Variants in PCDHGA3 observed in about 807,000 individuals in gnomAD.
PCDHGA3 encodes the protein protocadherin gamma-A3.
In PCDHGA3, 40 loss-of-function variants were observed where a neutral mutation model predicts 58.5. The observed-to-expected ratio is 0.68, with a 90% confidence interval of 0.53 to 0.89. The LOEUF (loss-of-function observed/expected upper bound fraction) is 0.89, where lower values mean the gene tolerates loss of function less well. PCDHGA3 is among the 40% of genes least tolerant of loss of function. The probability of loss-of-function intolerance (pLI) is 0.00; values close to 1 mark genes in which losing one functional copy is unlikely to be tolerated. For missense variants in PCDHGA3, 1,223 were observed against 1,195.9 expected, an observed-to-expected ratio of 1.02 and a Z score of -0.33; for synonymous variants, 530 against 525.7, an observed-to-expected ratio of 1.01 and a Z score of -0.11.
chr5:141,418,620 A>T lies in PCDHGA3; in HGVS notation c.2424+72163A>T, dbSNP rs762197476. 180 of 1,613,904 alleles carry T rather than the reference A, an allele frequency of 1.1e-4. No homozygotes were observed. The highest frequency in any genetic ancestry group is 1.5e-4 in the Non-Finnish European group (172 of 1,179,900). On this transcript the variant is annotated intron_variant, in intron 1 of 3. Coordinates refer to ENST00000253812, the MANE Select transcript of PCDHGA3 (RefSeq NM_018916.4). The stretch of plus-strand genomic sequence containing the variant: ...GTGTACAGGGTTAGCCTTCGGGAAG[A>T]CGTGCCTCCAGGCACCTCCATCCTG...
At chr5:141,507,003 G>A (rs569257489) in intron 3 of PCDHGA3, 3 of 152,342 alleles carry the variant, frequency 2.0e-5, no homozygotes, top group African/African-American at 7.2e-5. Context: ...CGACAGATGA[G>A]AGAACCGAGA....
intron 3 of PCDHGA3, among the ~76,000 whole-genome samples, chr5:141,509,815 TCTC>T (rs1596250992): frequency 6.6e-6 from 1 of 152,226 alleles, no homozygotes; most frequent in East Asian, 1.9e-4. Flanking sequence ...GCCGAGCTCT[TCTC>T]CATCTTCTCT....
intron 1 of PCDHGA3, chr5:141,418,621 C>T: frequency 6.2e-7 from 1 of 1,614,034 alleles, no homozygotes; most frequent in Non-Finnish European, 8.5e-7. Flanking sequence ...TTCGGGAAGA[C>T]GTGCCTCCAG....
chr5:141,407,159 A>G (rs1349203478), intron 1 of PCDHGA3, among the ~76,000 whole-genome samples: 1 of 152,232 alleles, frequency 6.6e-6, no homozygotes, highest in Non-Finnish European at 1.5e-5. Context: ...AGTGTCTGGG[A>G]ATCCTTTATG....
At position 141,384,238 on chromosome 5, in the gene PCDHGA3, G is replaced by A. The variant is rs1779876859; in HGVS notation, c.2424+37781G>A. ...ATTCATGCAGGTGGCAGACACCAAC[G>A]ATAACCCACCCACCTTCCCCCACTC... On this transcript the variant is annotated intron_variant, in intron 1 of 3. Coordinates refer to ENST00000253812, the MANE Select transcript of PCDHGA3 (RefSeq NM_018916.4). 1 of 1,613,838 alleles carries A rather than the reference G, an allele frequency of 6.2e-7. No individual in the cohort carries two copies. Among genetic ancestry groups the A allele is most frequent in the Non-Finnish European group, 8.5e-7 (1 of 1,179,886 alleles).
chr5:141,344,057 A>G lies in PCDHGA3; in HGVS notation c.24A>G (p.Arg8=), dbSNP rs1407517095. The part of the protein sequence containing the change: MTNCLSF[R]NGRGLALLCA... ...AAATGACCAATTGCCTGAGTTTCCG[A>G]AATGGCAGAGGACTGGCCCTGCTGT... Residue 8 remains arginine (R), a synonymous_variant, in exon 1 of 4, where the codon CGA becomes CGG. Coordinates refer to ENST00000253812, the MANE Select transcript of PCDHGA3 (RefSeq NM_018916.4). The G allele has an allele frequency of 6.4e-7, 1 of 1,560,120 alleles. No individual in the cohort carries two copies.
intron 1 of PCDHGA3, chr5:141,364,632 T>A: frequency 6.2e-7 from 1 of 1,614,142 alleles, no homozygotes; most frequent in Non-Finnish European, 8.5e-7. Flanking sequence ...CAGAGCCCAC[T>A]GTGTGTGGTG....
chr5:141,361,482 C>A (rs759187963), intron 1 of PCDHGA3: 4 of 1,613,988 alleles, frequency 2.5e-6, no homozygotes, highest in Non-Finnish European at 3.4e-6. Flanking sequence ...ACGATAATGC[C>A]CCAGTTTTCC....
In PCDHGA3 at chr5:141,415,732, T is replaced by C. The variant is rs1159160519; in HGVS notation, c.2424+69275T>C. 4 of 1,411,138 alleles carry C rather than the reference T, an allele frequency of 2.8e-6. No individual in the cohort carries two copies. In the South Asian group the frequency reaches 5.0e-5, roughly 18 times the overall value. The allele number at this position is 1,411,138 out of a possible 1,614,324, so 87.4% of individuals were successfully genotyped here. ...AACACTGATGAGTAGAATTTGATGT[T>C]TATTAAGGTTTTTTTTTTTTTTTTT... On this transcript the variant is annotated intron_variant, in intron 1 of 3. Coordinates refer to ENST00000253812, the MANE Select transcript of PCDHGA3 (RefSeq NM_018916.4).
At chr5:141,352,514 A>G (rs752533199) in intron 1 of PCDHGA3, 2 of 1,613,960 alleles carry the variant, frequency 1.2e-6, no homozygotes, top group Admixed American at 1.7e-5. Flanking sequence ...CAATCTATGT[A>G]TTGCCTCTCA....
At chr5:141,449,055 A>T (rs1056298558) in intron 1 of PCDHGA3, among the ~76,000 whole-genome samples, 1 of 152,188 alleles carries the variant, frequency 6.6e-6, no homozygotes, top group Non-Finnish European at 1.5e-5. Context: ...CTCATAAATG[A>T]GCGCTATTGA....
At chr5:141,497,818 G>T (rs2099779657) in intron 2 of PCDHGA3, among the ~76,000 whole-genome samples, 1 of 152,194 alleles carries the variant, frequency 6.6e-6, no homozygotes, top group African/African-American at 2.4e-5. Context: ...AGAATTACAG[G>T]TGTGATCGCC....
chr5:141,376,975 C>T (rs1216034593), intron 1 of PCDHGA3: 1 of 157,554 alleles, frequency 6.3e-6, no homozygotes, highest in African/African-American at 2.4e-5. Flanking sequence ...GCGTGAGCCA[C>T]CGCGCCCGGC....
At chr5:141,441,763 G>A in intron 1 of PCDHGA3, 1 of 384,020 alleles carries the variant, frequency 2.6e-6, no homozygotes, top group Non-Finnish European at 5.2e-6. Flanking sequence ...GTGAGCCTGC[G>A]CGTGTTGGTG....
chr5:141,381,016 C>G (rs961179270), intron 1 of PCDHGA3, among the ~76,000 whole-genome samples: 1 of 152,210 alleles, frequency 6.6e-6, no homozygotes, highest in African/African-American at 2.4e-5. Flanking sequence ...TATAATACCT[C>G]TATTAGTTCC....
intron 1 of PCDHGA3, chr5:141,361,703 A>T: frequency 6.2e-7 from 1 of 1,613,388 alleles, no homozygotes; most frequent in Non-Finnish European, 8.5e-7. Context: ...TTCGATCATG[A>T]GCAGCTGCGC....
At position 141,351,177 on chromosome 5, in the gene PCDHGA3, A is replaced by G. The variant is rs775042616; in HGVS notation, c.2424+4720A>G. 15 of 1,613,958 alleles carry G rather than the reference A, an allele frequency of 9.3e-6. 1 individual carries two copies. The highest frequency in any genetic ancestry group is 3.3e-4 in the Middle Eastern group (2 of 6,084). On this transcript the variant is annotated intron_variant, in intron 1 of 3. Transcript: ENST00000253812. ...ACAACCAATGGCACATTGGATTTTGAAGAGACAAGTAGATATGTGTTGAGT... is the reference window on the plus strand; with the variant it reads ...ACAACCAATGGCACATTGGATTTTGGAGAGACAAGTAGATATGTGTTGAGT...
At chr5:141,365,048 C>T (rs1211654942) in intron 1 of PCDHGA3, 2 of 1,613,776 alleles carry the variant, frequency 1.2e-6, no homozygotes, top group East Asian at 2.2e-5. Flanking sequence ...CGACAATGCG[C>T]CCCTGTTCAC....
Position 141,354,145 on chromosome 5 carries a change from T to C in PCDHGA3, c.2424+7688T>C, listed in dbSNP as rs546744648. ...TTAGAAATTGTAAAATAATACTGAA[T>C]GTGTCATGTGAAAAAATCACTAAAC... On this transcript the variant is annotated intron_variant, in intron 1 of 3. Transcript: ENST00000253812. Among the ~76,000 whole-genome samples the C allele has an allele frequency of 1.6e-4, 24 of 152,362 alleles. No homozygotes were observed. In the South Asian group the frequency reaches 4.3e-3, roughly 28 times the overall value.
Sources: gnomAD v4.1 joint callset for allele counts (sites outside exome capture counted in the v4.1 genomes callset) on GRCh38, gnomAD v4.1.1 for gene constraint, MANE v1.5 for transcripts, NCBI Gene and HGNC (gene_info 2026-07-23, HGNC 2026-07-21) for gene names.